Variants in KIFAP3 observed in about 807,000 individuals in gnomAD.
The protein encoded by KIFAP3 is kinesin-associated protein 3.
A neutral mutation model predicts 106.5 loss-of-function variants in KIFAP3; 68 were observed. The ratio of observed to expected loss-of-function variants is 0.64; its 90% CI spans 0.53 to 0.78. KIFAP3 has a LOEUF of 0.78. Ranked by LOEUF, KIFAP3 falls within the 30% of genes least tolerant of loss-of-function variation. The pLI, the probability that KIFAP3 is intolerant of heterozygous loss-of-function variation, is 0.00. For missense variants in KIFAP3, 780 were observed against 941.8 expected (o/e 0.83, Z 2.25); for synonymous variants, 320 against 311.5 (o/e 1.03, Z -0.29).
chr1:170,045,808 T>C (rs1221132477), intron 3 of KIFAP3, among the ~76,000 whole-genome samples: 1 of 152,212 alleles, frequency 6.6e-6, no homozygotes, highest in Non-Finnish European at 1.5e-5. Context: ...ATTAATAGGC[T>C]ATACTTTGGC....
intron 10 of KIFAP3, among the ~76,000 whole-genome samples, chr1:169,999,610 T>C (rs1194173752): frequency 6.6e-6 from 1 of 152,212 alleles, no homozygotes; most frequent in African/African-American, 2.4e-5. Context: ...TTGGTATTTA[T>C]GGTAATAAAC....
chr1:169,949,519 T>C (rs1243490980), intron 19 of KIFAP3, among the ~76,000 whole-genome samples: 1 of 152,094 alleles, frequency 6.6e-6, no homozygotes, highest in Admixed American at 6.5e-5. Flanking sequence ...AACTGATTTG[T>C]AAAAGCTGGA....
At chr1:169,998,085 C>G (rs1040591068) in intron 10 of KIFAP3, among the ~76,000 whole-genome samples, 1 of 151,480 alleles carries the variant, frequency 6.6e-6, no homozygotes, top group East Asian at 1.9e-4. Context: ...CTCAATACCC[C>G]CCTCCACACA....
intron 10 of KIFAP3, among the ~76,000 whole-genome samples, chr1:170,009,504 C>T (rs1668141265): frequency 6.6e-6 from 1 of 152,022 alleles, no homozygotes; most frequent in Non-Finnish European, 1.5e-5. Flanking sequence ...AAGGCCCTTC[C>T]AAAGAACACA....
At chr1:170,009,387 A>G (rs1025569501) in intron 10 of KIFAP3, among the ~76,000 whole-genome samples, 18 of 152,156 alleles carry the variant, frequency 1.2e-4, no homozygotes, top group Non-Finnish European at 4.4e-5. Context: ...ATTGTCCAAA[A>G]GAGTTCACCA....
chr1:170,027,882 TGAA>T (rs1669200130), intron 8 of KIFAP3, among the ~76,000 whole-genome samples: 1 of 151,948 alleles, frequency 6.6e-6, no homozygotes, highest in Non-Finnish European at 1.5e-5. Context: ...AAACGAATGA[TGAA>T]GAGACAATCT....
chr1:169,936,583 TGCTTA>T lies in KIFAP3; in HGVS notation c.2274-14807_2274-14803del, dbSNP rs1439035310. Among the ~76,000 whole-genome samples, 4 of 151,860 alleles carry T rather than the reference TGCTTA, an allele frequency of 2.6e-5. No homozygotes were observed. In the South Asian group the frequency reaches 6.2e-4, roughly 24 times the overall value. ...TGTGGTTCTTTGTCAAATATTGTAC[TGCTTA>T]GCTTAGAGTGCTATAAAATCTGAAC... is the stretch of plus-strand genomic sequence containing the variant. On this transcript the variant is annotated intron_variant, in intron 19 of 19. Coordinates refer to ENST00000361580, the MANE Select transcript of KIFAP3 (RefSeq NM_014970.4).
chr1:170,079,797 A>G (rs990080552), intron 1 of KIFAP3, among the ~76,000 whole-genome samples: 1 of 150,956 alleles, frequency 6.6e-6, no homozygotes, highest in African/African-American at 2.4e-5. Flanking sequence ...TAATATTTCT[A>G]TTAAAAGAAT....
intron 1 of KIFAP3, among the ~76,000 whole-genome samples, chr1:170,084,416 T>A (rs1187302364): frequency 6.6e-6 from 1 of 152,222 alleles, no homozygotes; most frequent in Non-Finnish European, 1.5e-5. Context: ...TGCTGCTATA[T>A]CAAATACAGT....
chr1:170,082,055 A>C (rs375644384), intron 1 of KIFAP3, among the ~76,000 whole-genome samples: 1 of 152,324 alleles, frequency 6.6e-6, no homozygotes, highest in African/African-American at 2.4e-5. Context: ...TTAAATGCAT[A>C]TTTACAATAC....
intron 15 of KIFAP3, among the ~76,000 whole-genome samples, chr1:169,978,882 T>C (rs569315817): frequency 4.2e-4 from 64 of 152,120 alleles, no homozygotes; most frequent in African/African-American, 1.5e-3. Flanking sequence ...CCCTTAAAGT[T>C]CAATTTGTCC....
intron 1 of KIFAP3, among the ~76,000 whole-genome samples, chr1:170,080,104 A>G (rs1022396216): frequency 6.6e-6 from 1 of 152,098 alleles, no homozygotes; most frequent in Non-Finnish European, 1.5e-5. Flanking sequence ...TACAAAAATC[A>G]ATTGCATTGA....
In KIFAP3 at chr1:169,972,556, T is replaced by C. The variant is rs777520335; in HGVS notation, c.1940A>G (p.Asn647Ser). The change falls in exon 17 of 20, where the codon AAT becomes AGT. Residue 647 changes from asparagine to serine, a missense_variant. By Grantham distance (46) the Asn-to-Ser change is conservative. Around this residue, in one of 3 missense-constraint regions of KIFAP3, gnomAD observed 78 missense variants for 140.6 expected, o/e 0.55. Transcript: ENST00000361580. Reference protein sequence around the residue: ...YLIDLMHDKNNEIRKVCDNTL... With the variant: ...YLIDLMHDKNSEIRKVCDNTL... ...ATTATCACAGACCTTTCGGATTTCA[T>C]TATTCTTATCATGCATTAGGTCTAT... is the stretch of plus-strand genomic sequence containing the variant. 1.9e-5 allele frequency: 30 copies of C among 1,573,352 alleles called. No homozygotes were observed. In the Middle Eastern group the frequency reaches 1.0e-3, roughly 53 times the overall value.
intron 1 of KIFAP3, among the ~76,000 whole-genome samples, chr1:170,080,486 A>G (rs1672003370): frequency 6.6e-6 from 1 of 152,166 alleles, no homozygotes; most frequent in Admixed American, 6.5e-5. Context: ...GAAAGGCTTC[A>G]TGATTAAAAG....
chr1:169,937,773 C>T (rs1048561252), intron 19 of KIFAP3, among the ~76,000 whole-genome samples: 1 of 151,692 alleles, frequency 6.6e-6, no homozygotes, highest in African/African-American at 2.4e-5. Context: ...AAAGATACAG[C>T]AGTAAAAATT....
chr1:170,012,000 A>C (rs1242384927), intron 10 of KIFAP3, among the ~76,000 whole-genome samples: 2 of 152,174 alleles, frequency 1.3e-5, no homozygotes, highest in Admixed American at 6.6e-5. Flanking sequence ...CAGAGTCAAA[A>C]GAAATGTTAC....
intron 17 of KIFAP3, among the ~76,000 whole-genome samples, chr1:169,969,349 C>A (rs1665788625): frequency 6.6e-6 from 1 of 152,002 alleles, no homozygotes; most frequent in South Asian, 2.1e-4. Flanking sequence ...AATAAGACCA[C>A]CTTTTCTCTG....
intron 2 of KIFAP3, among the ~76,000 whole-genome samples, chr1:170,048,248 T>C (rs1670366076): frequency 6.6e-6 from 1 of 152,042 alleles, no homozygotes; most frequent in Non-Finnish European, 1.5e-5. Context: ...CTTCTAATGT[T>C]TACAAGAAGA....
chr1:169,998,354 A>T (rs1667475586), intron 10 of KIFAP3, among the ~76,000 whole-genome samples: 1 of 151,574 alleles, frequency 6.6e-6, no homozygotes, highest in Non-Finnish European at 1.5e-5. Context: ...GAACAAAAGA[A>T]ATCGGACTAC....
Sources: allele counts gnomAD v4.1 joint callset (sites outside exome capture counted in the v4.1 genomes callset), GRCh38; gene constraint gnomAD v4.1.1; regional missense constraint gnomAD v4.1.1; transcripts MANE v1.5; gene names NCBI Gene and HGNC (gene_info 2026-07-23, HGNC 2026-07-21).